Variants in CLECL1 observed in about 807,000 individuals in gnomAD.
CLECL1 encodes C-type lectin like 1.
the CLECL1 span, among the ~76,000 whole-genome samples, chr12:9,708,518 G>A: frequency 6.6e-6 from 1 of 152,228 alleles, no homozygotes; most frequent in East Asian, 1.9e-4. Flanking sequence ...GGGATCCAAA[G>A]CCAGGCAACG....
At chr12:9,726,801 C>T (rs1252878485) in intron 3 of CLECL1, among the ~76,000 whole-genome samples, 1 of 151,736 alleles carries the variant, frequency 6.6e-6, no homozygotes, top group African/African-American at 2.4e-5. Context: ...ATAAGGATTA[C>T]AAGAAAGTGT....
intron 3 of CLECL1, among the ~76,000 whole-genome samples, chr12:9,724,194 AAAAG>A (rs901313691): frequency 2.0e-5 from 3 of 150,316 alleles, no homozygotes; most frequent in Non-Finnish European, 4.4e-5. Flanking sequence ...GAAAAAAAAA[AAAAG>A]AAAAAGAAAA....
At chr12:9,728,529 C>T (rs10743823) in intron 2 of CLECL1, among the ~76,000 whole-genome samples, 80,054 of 151,582 alleles carry the variant, frequency 0.53, 21,419 homozygotes, top group Middle Eastern at 0.6. Context: ...CCGTGAACAT[C>T]GTTGCCTTCT....
intron 3 of CLECL1, among the ~76,000 whole-genome samples, chr12:9,726,093 G>A (rs1866375987): frequency 6.6e-6 from 1 of 151,862 alleles, no homozygotes; most frequent in South Asian, 2.1e-4. Flanking sequence ...TCCCGTTATT[G>A]AGGTCAACCA....
intron 1 of CLECL1, 59 bp downstream of exon 1, chr12:9,732,890 A>G: frequency 7.3e-7 from 1 of 1,377,642 alleles, no homozygotes; most frequent in Non-Finnish European, 9.9e-7. Context: ...CATAAGAAAG[A>G]AATAAAGGAG....
chr12:9,727,329 A>G (rs1252818550), intron 3 of CLECL1, among the ~76,000 whole-genome samples: 1 of 151,852 alleles, frequency 6.6e-6, no homozygotes, highest in Non-Finnish European at 1.5e-5. Flanking sequence ...TTTCAATGAA[A>G]TACTTTTAAA....
intron 1 of CLECL1, among the ~76,000 whole-genome samples, chr12:9,729,825 T>C (rs777402251): frequency 1.3e-5 from 2 of 152,194 alleles, no homozygotes; most frequent in African/African-American, 2.4e-5. Context: ...TTTTTTTTTT[T>C]CCACACAAAA....
chr12:9,733,213 A>C, upstream of CLECL1: 3 of 1,613,388 alleles, frequency 1.9e-6, no homozygotes, highest in South Asian at 3.3e-5. Flanking sequence ...TTACTAATCA[A>C]GGTAGCAGAT....
At chr12:9,713,177 G>A (rs1866211704), downstream of CLECL1, among the ~76,000 whole-genome samples, 1 of 152,164 alleles carries the variant, frequency 6.6e-6, no homozygotes, top group African/African-American at 2.4e-5. Context: ...ACAGAACAGG[G>A]CAGGGAGTTT....
At chr12:9,733,374 T>C, upstream of CLECL1, 1 of 676,142 alleles carries the variant, frequency 1.5e-6, no homozygotes, top group South Asian at 2.0e-5. Flanking sequence ...GACCACTTCC[T>C]CTTTTAGTTC....
At chr12:9,705,847 G>T in the CLECL1 span, among the ~76,000 whole-genome samples, 2 of 152,092 alleles carry the variant, frequency 1.3e-5, no homozygotes, top group Non-Finnish European at 2.9e-5. Flanking sequence ...CTCTGGCTTT[G>T]CTGTTTTTGC....
chr12:9,710,296 G>A, the CLECL1 span, among the ~76,000 whole-genome samples: 9 of 152,202 alleles, frequency 5.9e-5, no homozygotes, highest in South Asian at 2.1e-4. Flanking sequence ...TGATGGCTCC[G>A]CTTTGCTAGG....
intron 3 of CLECL1, among the ~76,000 whole-genome samples, chr12:9,723,072 G>A (rs374190535): frequency 2.0e-4 from 31 of 152,032 alleles, no homozygotes; most frequent in East Asian, 1.2e-3. Flanking sequence ...TATAAGCCAG[G>A]AAATGCACCA....
downstream of CLECL1, among the ~76,000 whole-genome samples, chr12:9,713,161 A>G (rs1468072450): frequency 6.6e-6 from 1 of 152,182 alleles, no homozygotes; most frequent in Admixed American, 6.5e-5. Context: ...CGGTGGTCAG[A>G]GAGAAACAGA....
chr12:9,717,814 T>C (rs1866257023), downstream of CLECL1, among the ~76,000 whole-genome samples: 1 of 152,148 alleles, frequency 6.6e-6, no homozygotes, highest in Admixed American at 6.5e-5. Flanking sequence ...TGAAATTGAA[T>C]AGTGTAAGTC....
At chr12:9,721,293 TG>T (rs1866309643), downstream of CLECL1, among the ~76,000 whole-genome samples, 1 of 152,260 alleles carries the variant, frequency 6.6e-6, no homozygotes, top group African/African-American at 2.4e-5. Flanking sequence ...TTATATTTAT[TG>T]GAGTAAATGT....
chr12:9,716,516 T>G (rs1866240849), exon 3 of CLECL1: 1 of 221,646 alleles, frequency 4.5e-6, no homozygotes, highest in African/African-American at 2.4e-5. Context: ...TCCAGATAAT[T>G]CTATTGATTG....
At chr12:9,722,542 A>G, downstream of CLECL1, 1 of 1,503,362 alleles carries the variant, frequency 6.7e-7, no homozygotes. Flanking sequence ...TTAATAACAC[A>G]TGAAGTTGAA....
At chr12:9,716,608 C>T (rs879616636) in exon 3 of CLECL1, 1 of 267,032 alleles carries the variant, frequency 3.7e-6, no homozygotes, top group Non-Finnish European at 6.9e-6. Flanking sequence ...CGAACTTGTC[C>T]CATTCCTCTT....
Sources: allele counts gnomAD v4.1 joint callset (sites outside exome capture counted in the v4.1 genomes callset), GRCh38; gene constraint gnomAD v4.1.1; transcripts MANE v1.5; gene names NCBI Gene and HGNC (gene_info 2026-07-23, HGNC 2026-07-21).